Variants in DNAH12 observed in about 807,000 individuals in gnomAD.
DNAH12 encodes the protein axonemal beta dynein heavy chain 12.
A neutral mutation model predicts 371.5 loss-of-function variants in DNAH12; 285 were observed. The ratio of observed to expected loss-of-function variants is 0.77; its 90% CI spans 0.70 to 0.85. The LOEUF (loss-of-function observed/expected upper bound fraction) is 0.85. DNAH12 is among the 40% of genes least tolerant of loss of function. The pLI is 0.00. For synonymous variants in DNAH12, 1,200 were observed against 1,213.0 expected, an observed-to-expected ratio of 0.99 and a Z score of 0.22; for missense variants, 3,611 against 3,689.4, an observed-to-expected ratio of 0.98 and a Z score of 0.55.
At chr3:57,419,781 A>G (rs903235623) in intron 36 of DNAH12, among the ~76,000 whole-genome samples, 1 of 152,184 alleles carries the variant, frequency 6.6e-6, no homozygotes, top group African/African-American at 2.4e-5. Flanking sequence ...AATATAATGT[A>G]ACTTTTGTTA....
At chr3:57,454,170 C>T (rs371051245) in intron 23 of DNAH12, among the ~76,000 whole-genome samples, 17 of 151,948 alleles carry the variant, frequency 1.1e-4, no homozygotes, top group East Asian at 7.8e-4. Context: ...TTTGTCTAAG[C>T]CCAGTAAAAT....
chr3:57,461,702 A>C lies in DNAH12; in HGVS notation c.2536-13T>G. 1.9e-6 allele frequency: 3 copies of C among 1,546,534 alleles called. No homozygotes were observed. The highest frequency in any genetic ancestry group is 2.6e-6 in the Non-Finnish European group (3 of 1,144,290). On this transcript the variant is annotated splice_polypyrimidine_tract_variant and intron_variant, in intron 18 of 73. Transcript: ENST00000495027. ...CTAATGAAAATTCCTAAAACGGAGG[A>C]ATGAAGAAAGAACGGGATGGTGAAG...
intron 66 of DNAH12, among the ~76,000 whole-genome samples, chr3:57,313,634 CAG>C (rs2061625463): frequency 6.6e-6 from 1 of 152,146 alleles, no homozygotes; most frequent in African/African-American, 2.4e-5. Flanking sequence ...GCCTGGGTGA[CAG>C]AGTGAAACTC....
chr3:57,507,943 C>T (rs985890644), intron 7 of DNAH12, 105 bp from the exon 8 acceptor site: 6 of 1,003,944 alleles, frequency 6.0e-6, no homozygotes, highest in Admixed American at 6.1e-5. Flanking sequence ...AATCTCAGCA[C>T]TTTGGGAGGC....
intron 59 of DNAH12, among the ~76,000 whole-genome samples, chr3:57,352,776 A>G (rs1484183329): frequency 3.9e-5 from 6 of 152,178 alleles, no homozygotes; most frequent in Non-Finnish European, 8.8e-5. Flanking sequence ...AGTCTAGATA[A>G]AAATCTACAT....
At chr3:57,529,537 T>C (rs1467711451) in intron 2 of DNAH12, among the ~76,000 whole-genome samples, 1 of 152,248 alleles carries the variant, frequency 6.6e-6, no homozygotes, top group Non-Finnish European at 1.5e-5. Flanking sequence ...TTGCTCATCA[T>C]AGCCACTAAT....
rs531432132 is a variant in DNAH12, at chr3:57,323,250, T to C, written c.10140A>G (p.Lys3380=). The C allele has an allele frequency of 6.4e-7, 1 of 1,551,164 alleles. No individual in the cohort carries two copies. Among genetic ancestry groups the C allele is most frequent in the East Asian group, 2.4e-5 (1 of 40,910 alleles). The change falls in exon 64 of 74, where the codon AAA becomes AAG. Residue 3380 remains lysine (K), a synonymous_variant. Coordinates refer to ENST00000495027, the MANE Select transcript of DNAH12 (RefSeq NM_001366028.2). ...PGADPMASLL[K]FANDKSMSGN... ...CAGACATAGATTTATCATTTGCAAATTTCAGCAGGCCTATAAGAGGCACAA... is the reference window on the plus strand; with the variant it reads ...CAGACATAGATTTATCATTTGCAAACTTCAGCAGGCCTATAAGAGGCACAA...
chr3:57,423,358 T>G (rs1166823303), intron 35 of DNAH12, among the ~76,000 whole-genome samples: 1 of 152,214 alleles, frequency 6.6e-6, no homozygotes, highest in Non-Finnish European at 1.5e-5. Context: ...AGCTAAAACT[T>G]AGTTTTGTAA....
intron 55 of DNAH12, among the ~76,000 whole-genome samples, chr3:57,369,726 G>A (rs1176172897): frequency 6.6e-6 from 1 of 152,026 alleles, no homozygotes; most frequent in Admixed American, 6.6e-5. Flanking sequence ...TACCTTTCAA[G>A]CCCCTGTTTA....
At chr3:57,399,791 T>A (rs1264784835) in intron 43 of DNAH12, among the ~76,000 whole-genome samples, 2 of 152,216 alleles carry the variant, frequency 1.3e-5, no homozygotes, top group Non-Finnish European at 2.9e-5. Flanking sequence ...TTTGTGATGA[T>A]CCACATCCAC....
chr3:57,509,089 T>C (rs748424992), intron 6 of DNAH12, 51 bp downstream of exon 6: 3 of 1,460,836 alleles, frequency 2.1e-6, no homozygotes, highest in Middle Eastern at 1.8e-4. Context: ...GTTTATTTTT[T>C]ATCTATATCA....
At chr3:57,551,493 A>G in the DNAH12 span, among the ~76,000 whole-genome samples, 63 of 150,710 alleles carry the variant, frequency 4.2e-4, no homozygotes, top group Admixed American at 1.3e-3. Context: ...GGATGGTCTC[A>G]ATCTCCTGAC....
At chr3:57,374,817 A>G (rs1416316682) in intron 55 of DNAH12, among the ~76,000 whole-genome samples, 1 of 152,196 alleles carries the variant, frequency 6.6e-6, no homozygotes, top group African/African-American at 2.4e-5. Flanking sequence ...TGATTCCTTT[A>G]TATGAAATTC....
chr3:57,528,732 A>G (rs1174766110), intron 2 of DNAH12, among the ~76,000 whole-genome samples: 2 of 151,702 alleles, frequency 1.3e-5, no homozygotes, highest in Non-Finnish European at 2.9e-5. Flanking sequence ...GTCTCAAAAA[A>G]AAAAAAACAA....
intron 62 of DNAH12, among the ~76,000 whole-genome samples, chr3:57,328,821 C>A (rs1414323166): frequency 3.1e-5 from 4 of 129,990 alleles, no homozygotes; most frequent in Non-Finnish European, 6.3e-5. Flanking sequence ...CCCATTGTCT[C>A]AGCCCAAAAT....
At chr3:57,390,062 T>C (rs2063582770) in intron 45 of DNAH12, among the ~76,000 whole-genome samples, 1 of 148,886 alleles carries the variant, frequency 6.7e-6, no homozygotes, top group Non-Finnish European at 1.5e-5. Context: ...TCTCCATCTC[T>C]TGACCTCATG....
chr3:57,370,037 T>C (rs2063137015), intron 55 of DNAH12, among the ~76,000 whole-genome samples: 1 of 152,182 alleles, frequency 6.6e-6, no homozygotes, highest in African/African-American at 2.4e-5. Flanking sequence ...ACTCTAGGTA[T>C]GAAAATAATA....
rs1402775250 is a variant in DNAH12, at chr3:57,415,473, GA to G, written c.5805del (p.Pro1936LeufsTer40). ...CGTGCAGATAAGTTAATATAAAAAGGAAAGTACTGGTCCTTTTCCAAGTGAT... is the reference window on the plus strand; with the variant it reads ...CGTGCAGATAAGTTAATATAAAAAGGAAGTACTGGTCCTTTTCCAAGTGAT... ...LMNHLEKDQYFPFYINLSART... is the reference protein window; with the variant it reads ...LMNHLEKDQYXPFYINLSART... On this transcript the variant is annotated frameshift_variant, in exon 38 of 74. Transcript: ENST00000495027. LOFTEE classifies it high-confidence loss of function. The G allele has an allele frequency of 6.4e-7, 1 of 1,551,232 alleles. No homozygotes were observed. Among genetic ancestry groups the G allele is most frequent in the Admixed American group, 2.0e-5 (1 of 50,868 alleles).
intron 45 of DNAH12, among the ~76,000 whole-genome samples, chr3:57,390,424 A>AAAAAAAAAAAATATATATATATATAT: frequency 6.0e-5 from 2 of 33,440 alleles, no homozygotes; most frequent in Non-Finnish European, 1.4e-4. Context: ...AAAAAAAAAA[A>AAAAAAAAAAAATATATATATATATAT]ATATATATAT....
Sources: allele counts gnomAD v4.1 joint callset (sites outside exome capture counted in the v4.1 genomes callset), GRCh38; gene constraint gnomAD v4.1.1; transcripts MANE v1.5; gene names NCBI Gene and HGNC (gene_info 2026-07-23, HGNC 2026-07-21).